FARS2: variants seen among roughly 807,000 people sequenced by gnomAD.
FARS2 encodes phenylalanine--tRNA ligase, mitochondrial.
In FARS2, 40 loss-of-function variants were observed where a neutral mutation model predicts 46.4. The ratio of observed to expected loss-of-function variants is 0.86; its 90% confidence interval spans 0.67 to 1.12. The LOEUF (loss-of-function observed/expected upper bound fraction) is 1.12. FARS2 is among the 50% of genes most tolerant of loss of function. FARS2 has a pLI of 0.00. For synonymous variants in FARS2, 234 were observed against 214.9 expected (o/e 1.09, Z -0.78); for missense variants, 513 against 567.9 (o/e 0.90, Z 0.98).
chr6:5,262,549 G>A (rs1765251227), intron 1 of FARS2, among the ~76,000 whole-genome samples: 1 of 152,118 alleles, frequency 6.6e-6, no homozygotes, highest in South Asian at 2.1e-4. Flanking sequence ...AAAATGCTGG[G>A]ATTACAGGTG....
At chr6:5,380,710 C>T (rs758323832) in intron 2 of FARS2, among the ~76,000 whole-genome samples, 2 of 152,162 alleles carry the variant, frequency 1.3e-5, no homozygotes, top group Non-Finnish European at 2.9e-5. Flanking sequence ...CAAGAATGCA[C>T]CCTGTACTGG....
At chr6:5,369,975 C>A (rs976153428) in intron 2 of FARS2, among the ~76,000 whole-genome samples, 1 of 151,606 alleles carries the variant, frequency 6.6e-6, no homozygotes. Context: ...GTTTTAAAAA[C>A]CATCTCTGTT....
intron 4 of FARS2, among the ~76,000 whole-genome samples, chr6:5,463,767 A>T (rs1765369250): frequency 6.6e-6 from 1 of 151,922 alleles, no homozygotes; most frequent in Non-Finnish European, 1.5e-5. Context: ...TGTGCATGAA[A>T]ATTGCTTGGT....
chr6:5,413,568 C>T (rs182630304), intron 3 of FARS2, among the ~76,000 whole-genome samples: 1 of 152,312 alleles, frequency 6.6e-6, no homozygotes, highest in Non-Finnish European at 1.5e-5. Flanking sequence ...AGCCACTTCT[C>T]TTCTGGCCTG....
rs4960117 is a variant in FARS2 at position 5,630,449 on chromosome 6, C to T, written c.1217+17129C>T. Among the ~76,000 whole-genome samples, 34,529 of 152,052 alleles carry T rather than the reference C, an allele frequency of 0.23. 3,982 individuals carry two copies. The highest frequency in any genetic ancestry group is 0.37 in the East Asian group (1,910 of 5,162). On this transcript the variant is annotated intron_variant, in intron 6 of 6. Coordinates refer to ENST00000274680, the MANE Select transcript of FARS2 (RefSeq NM_006567.5). This position sits in a 1 kb window ranked among gnomAD's most constrained non-coding sequence, Gnocchi z 4.2. ...GTTGTGTCTTTACTTGTATTTATTC[C>T]ACAAATGTTCATAACTAGAGAATAC...
intron 6 of FARS2, among the ~76,000 whole-genome samples, chr6:5,707,374 A>C (rs116081395): frequency 0.012 from 1,845 of 152,216 alleles, 40 homozygotes; most frequent in African/African-American, 0.043. Flanking sequence ...GCATCTGAAA[A>C]CCTTGGTGCT....
intron 5 of FARS2, chr6:5,609,081 A>G: frequency 1.7e-6 from 1 of 597,668 alleles, no homozygotes; most frequent in Admixed American, 2.2e-5. Flanking sequence ...TTGCCCATAC[A>G]CATGAGTATT....
At chr6:5,313,210 C>G (rs1769212605) in intron 1 of FARS2, among the ~76,000 whole-genome samples, 2 of 152,164 alleles carry the variant, frequency 1.3e-5, no homozygotes, top group South Asian at 4.1e-4. Flanking sequence ...TACAAAATCA[C>G]CTGCCCCTTT....
At chr6:5,523,986 A>G (rs766197918) in intron 4 of FARS2, among the ~76,000 whole-genome samples, 2 of 152,208 alleles carry the variant, frequency 1.3e-5, no homozygotes, top group Non-Finnish European at 2.9e-5. Flanking sequence ...TTCCAAGAAC[A>G]TGATGAATTC....
rs398000284 is a variant in FARS2, at chr6:5,405,480, C to CTTTTTTTTTTTTTTTTTTTT, written c.772+785_772+804dup. ...AGGACGTGATCAGTGGAGCAAGGTTCTTTTTTTTTTTTTTTTTTTTTTTTT... is the reference window on the plus strand; with the variant it reads ...AGGACGTGATCAGTGGAGCAAGGTTCTTTTTTTTTTTTTTTTTTTTTTTTTTTTTTTTTTTTTTTTTTTTT... On this transcript the variant is annotated intron_variant, in intron 3 of 6. Transcript: ENST00000274680. Among the ~76,000 whole-genome samples the CTTTTTTTTTTTTTTTTTTTT allele has an allele frequency of 3.9e-4, 23 of 58,952 alleles. 5 individuals carry two copies. Among genetic ancestry groups the CTTTTTTTTTTTTTTTTTTTT allele is most frequent in the Middle Eastern group, 0.017 (1 of 60 alleles). The allele number at this position is 58,952 out of a possible 152,430, so 38.7% of individuals were successfully genotyped here. A position where few individuals can be genotyped will look rare whatever the true frequency, so the allele number is the denominator to read the frequency against.
Position 5,723,088 on chromosome 6 carries a change from C to T in FARS2, c.1218-48203C>T, listed in dbSNP as rs955612415. On this transcript the variant is annotated intron_variant, in intron 6 of 6. Transcript: ENST00000274680. ...TGGACAAAAGTCCTCATCCGAGTTC[C>T]GGTTCTGGGGGTGAGTGGGGTTTTG... Among the ~76,000 whole-genome samples, 3 of 151,932 alleles carry T rather than the reference C, an allele frequency of 2.0e-5. No homozygotes were observed. In the East Asian group the frequency reaches 5.8e-4, roughly 29 times the overall value.
At chr6:5,463,384 G>A (rs573885634) in intron 4 of FARS2, among the ~76,000 whole-genome samples, 10 of 152,196 alleles carry the variant, frequency 6.6e-5, no homozygotes, top group Middle Eastern at 3.4e-3. Context: ...GTCCTTGTGC[G>A]TTCTGAAACC....
intron 4 of FARS2, among the ~76,000 whole-genome samples, chr6:5,500,487 C>T (rs1319443098): frequency 2.6e-5 from 4 of 152,172 alleles, no homozygotes; most frequent in South Asian, 2.1e-4. Context: ...GCCACACCAG[C>T]GGAGGGTGGG....
At chr6:5,342,047 A>G (rs1771696510) in intron 1 of FARS2, among the ~76,000 whole-genome samples, 1 of 152,254 alleles carries the variant, frequency 6.6e-6, no homozygotes, top group African/African-American at 2.4e-5. Flanking sequence ...TAAAGATCAT[A>G]AAGATTATTT....
chr6:5,697,289 A>G (rs1285424141), intron 6 of FARS2, among the ~76,000 whole-genome samples: 2 of 152,216 alleles, frequency 1.3e-5, no homozygotes, highest in Non-Finnish European at 2.9e-5. Context: ...AAATTGAGTT[A>G]TATAAGAGGT....
intron 6 of FARS2, among the ~76,000 whole-genome samples, chr6:5,631,179 A>G (rs920859595): frequency 3.9e-5 from 6 of 152,230 alleles, no homozygotes; most frequent in African/African-American, 1.4e-4. Flanking sequence ...GGGAAAACAG[A>G]TAAGAGTTGA....
In FARS2 at chr6:5,599,886, C is replaced by CTT. The variant is rs571022826; in HGVS notation, c.1066-13271_1066-13270dup. Among the ~76,000 whole-genome samples, 1,179 of 143,744 alleles carry CTT rather than the reference C, an allele frequency of 8.2e-3. 6 individuals carry two copies. The highest frequency in any genetic ancestry group is 0.015 in the South Asian group (68 of 4,498). 94.3% of individuals were successfully genotyped at this position (143,744 alleles called of 152,430 possible). On this transcript the variant is annotated intron_variant, in intron 5 of 6. Transcript: ENST00000274680. ...TAACAAAGATTTCTCAGGCTTGCTT[C>CTT]TTTTTTTTTTTTTGTGAAAAAGCAT...
At chr6:5,368,491 C>G (rs927531697) in intron 1 of FARS2, 59 bp from the exon 2 acceptor site, 42 of 1,464,044 alleles carry the variant, frequency 2.9e-5, no homozygotes, top group Non-Finnish European at 3.3e-5. Context: ...ATGCAAAGAA[C>G]ACACTTGCTT....
chr6:5,668,310 T>G (rs113409332), intron 6 of FARS2, among the ~76,000 whole-genome samples: 16 of 152,214 alleles, frequency 1.1e-4, no homozygotes, highest in Non-Finnish European at 1.8e-4. Context: ...TTTAATTTAT[T>G]GTCACTCTTG....
Sources: allele counts gnomAD v4.1 joint callset (sites outside exome capture counted in the v4.1 genomes callset), GRCh38; gene constraint gnomAD v4.1.1; non-coding constraint Gnocchi (gnomAD v3.1); transcripts MANE v1.5; gene names NCBI Gene and HGNC (gene_info 2026-07-23, HGNC 2026-07-21).